The following RPTOR variants were observed in gnomAD, a reference collection of about 807,000 sequenced individuals.
RPTOR encodes regulatory-associated protein of mTOR.
A neutral mutation model predicts 169.9 loss-of-function variants in RPTOR; 21 were observed. That is an observed-to-expected ratio of 0.12 (90% CI 0.09 to 0.18). The LOEUF (loss-of-function observed/expected upper bound fraction) is 0.18, where lower values mean the gene tolerates loss of function less well. RPTOR is among the 10% of genes least tolerant of loss of function. The pLI is 1.00. For missense variants in RPTOR, 1,133 were observed against 1,855.9 expected (o/e 0.61, Z 7.16); for synonymous variants, 732 against 753.2 (o/e 0.97, Z 0.46).
At chr17:80,617,987 C>CTTTTTTTTTTTTTT (rs1197342364) in intron 1 of RPTOR, among the ~76,000 whole-genome samples, 2 of 146,448 alleles carry the variant, frequency 1.4e-5, no homozygotes, top group African/African-American at 5.1e-5. Context: ...ATAGTTACAA[C>CTTTTTTTTTTTTTT]TTTTTTTTTT....
At chr17:80,700,193 C>T (rs535077517) in intron 3 of RPTOR, among the ~76,000 whole-genome samples, 1 of 152,242 alleles carries the variant, frequency 6.6e-6, no homozygotes, top group African/African-American at 2.4e-5. Context: ...GTCTAGTGAT[C>T]AGGCTGGAGA....
At chr17:80,925,181 G>A (rs919508672) in intron 23 of RPTOR, among the ~76,000 whole-genome samples, 189 bp from the exon 24 acceptor site, 2 of 152,210 alleles carry the variant, frequency 1.3e-5, no homozygotes, top group Non-Finnish European at 2.9e-5. Flanking sequence ...CTCAATCCCT[G>A]GCCAGACGTT....
chr17:80,703,127 G>T (rs1278304862), intron 3 of RPTOR, among the ~76,000 whole-genome samples: 1 of 152,130 alleles, frequency 6.6e-6, no homozygotes, highest in African/African-American at 2.4e-5. Flanking sequence ...CCGTGCCTTT[G>T]TTCTTCACCA....
intron 4 of RPTOR, among the ~76,000 whole-genome samples, chr17:80,711,718 A>C (rs1348228626): frequency 7.1e-6 from 1 of 141,368 alleles, no homozygotes; most frequent in Non-Finnish European, 1.5e-5. Context: ...TTCTTTTGGG[A>C]AGTTAACATA....
At chr17:80,779,473 C>T (rs1324413818) in intron 6 of RPTOR, among the ~76,000 whole-genome samples, 1 of 152,196 alleles carries the variant, frequency 6.6e-6, no homozygotes, top group Admixed American at 6.5e-5. Context: ...ATGCTTCTGC[C>T]GTGCCTACGT....
Position 80,960,627 on chromosome 17 carries a change from G to A in RPTOR, c.3605+422G>A, listed in dbSNP as rs1288500213. 4 of 234,836 alleles carry A rather than the reference G, an allele frequency of 1.7e-5. No homozygotes were observed. The highest frequency in any genetic ancestry group is 1.3e-4 in the South Asian group (2 of 15,828). 14.5% of individuals were successfully genotyped at this position (234,836 alleles called of 1,614,324 possible). A position where few individuals can be genotyped will look rare whatever the true frequency, so the allele number is the denominator to read the frequency against. Reference sequence around the variant, plus strand: ...GGGAGGGATGTCTGAGGGCACACACGTGGGCACAGCAGCCCTGGGCACTGC... The same window carrying A: ...GGGAGGGATGTCTGAGGGCACACACATGGGCACAGCAGCCCTGGGCACTGC... On this transcript the variant is annotated intron_variant, in intron 30 of 33. Transcript: ENST00000306801. This position sits in a 1 kb window ranked among gnomAD's most constrained non-coding sequence, Gnocchi z 4.8.
chr17:80,765,285 G>A (rs542152727), intron 6 of RPTOR, among the ~76,000 whole-genome samples: 77 of 152,270 alleles, frequency 5.1e-4, no homozygotes, highest in African/African-American at 1.8e-3. Context: ...CTTCTTTTCA[G>A]AGAGCCAGTT....
At chr17:80,937,585 C>G (rs1181311096) in intron 24 of RPTOR, among the ~76,000 whole-genome samples, 1 of 152,210 alleles carries the variant, frequency 6.6e-6, no homozygotes, top group Non-Finnish European at 1.5e-5. Flanking sequence ...TCAAGATCCT[C>G]ATCATGTAAC....
chr17:80,887,390 G>T (rs994607204), intron 17 of RPTOR, among the ~76,000 whole-genome samples: 2 of 144,456 alleles, frequency 1.4e-5, no homozygotes, highest in Non-Finnish European at 3.0e-5. Flanking sequence ...CTTGGGGGGG[G>T]TGCTGACTCC....
chr17:80,883,527 C>T (rs2143838739), intron 15 of RPTOR, 43 bp downstream of exon 15: 2 of 1,591,134 alleles, frequency 1.3e-6, no homozygotes, highest in Non-Finnish European at 1.7e-6. Flanking sequence ...TCACCCTTGG[C>T]ATTGCAGAGG....
intron 20 of RPTOR, among the ~76,000 whole-genome samples, chr17:80,902,889 ACCCGTGCTGAGAG>A (rs1409262707): frequency 6.6e-6 from 1 of 152,106 alleles, no homozygotes; most frequent in Non-Finnish European, 1.5e-5. Flanking sequence ...GTCCAAGCAC[ACCCGTGCTGAGAG>A]GCGAGGCGGG....
chr17:80,953,919 G>A (rs1482189507), intron 28 of RPTOR, among the ~76,000 whole-genome samples: 4 of 152,220 alleles, frequency 2.6e-5, no homozygotes, highest in African/African-American at 7.2e-5. Context: ...CACGGCGCTC[G>A]TGCTTCTGAC....
intron 28 of RPTOR, among the ~76,000 whole-genome samples, chr17:80,956,081 A>G (rs1048867507): frequency 6.6e-6 from 1 of 152,226 alleles, no homozygotes; most frequent in Non-Finnish European, 1.5e-5. Context: ...TGTGGAAGGC[A>G]TGTTACGTTG....
At chr17:80,743,801 A>T (rs12943007) in intron 5 of RPTOR, among the ~76,000 whole-genome samples, 2,102 of 117,446 alleles carry the variant, frequency 0.018, 290 homozygotes, top group South Asian at 0.021. Context: ...CTACTAGCAC[A>T]GCCCTGGCTA....
intron 4 of RPTOR, among the ~76,000 whole-genome samples, chr17:80,719,788 C>T (rs998699949): frequency 2.6e-5 from 4 of 152,130 alleles, no homozygotes; most frequent in Middle Eastern, 3.2e-3. Context: ...ACCCCAGTCC[C>T]GTAAAATCCG....
At chr17:80,956,334 A>C (rs2069248664) in intron 28 of RPTOR, among the ~76,000 whole-genome samples, 1 of 152,212 alleles carries the variant, frequency 6.6e-6, no homozygotes, top group Non-Finnish European at 1.5e-5. Flanking sequence ...GGTTATCATT[A>C]CAGTTTTAGA....
In RPTOR at chr17:80,948,131, C is replaced by T. The variant is rs144294824; in HGVS notation, c.3265+780C>T. 2.8e-3 allele frequency among the ~76,000 whole-genome samples: 434 copies of T among 152,320 alleles called. 8 individuals are homozygous for T. The highest frequency in any genetic ancestry group is 1.0e-2 in the African/African-American group (415 of 41,562). Reference sequence around the variant, plus strand: ...GGGAGGCAGGCGGGGGAGGCCAGCACGGCTGAGAGAAGTGAAGGCCGACAC... The same window carrying T: ...GGGAGGCAGGCGGGGGAGGCCAGCATGGCTGAGAGAAGTGAAGGCCGACAC... On this transcript the variant is annotated intron_variant, in intron 27 of 33. Coordinates refer to ENST00000306801, the MANE Select transcript of RPTOR (RefSeq NM_020761.3).
intron 1 of RPTOR, among the ~76,000 whole-genome samples, chr17:80,548,857 C>T (rs2084311101): frequency 6.6e-6 from 1 of 152,230 alleles, no homozygotes; most frequent in African/African-American, 2.4e-5. Flanking sequence ...CTGGTGGCCA[C>T]TGACTGTCCT....
intron 3 of RPTOR, among the ~76,000 whole-genome samples, chr17:80,674,787 C>CAAAAAAAAAA (rs9319608): frequency 2.6e-4 from 23 of 89,974 alleles, no homozygotes; most frequent in Admixed American, 3.0e-4. Context: ...GACTCTGTCT[C>CAAAAAAAAAA]AAAAAAAAAA....
Sources: gnomAD v4.1 joint callset for allele counts (sites outside exome capture counted in the v4.1 genomes callset) on GRCh38, gnomAD v4.1.1 for gene constraint, Gnocchi (gnomAD v3.1) non-coding constraint, MANE v1.5 for transcripts, NCBI Gene and HGNC (gene_info 2026-07-23, HGNC 2026-07-21) for gene names.